Variants in GMDS observed in about 807,000 individuals in gnomAD.
GMDS encodes the protein GDP-mannose 4,6 dehydratase.
Under a neutral mutation model 49.9 loss-of-function variants are expected in GMDS, and 20 were observed. The observed-to-expected ratio is 0.40, with a 90% CI of 0.28 to 0.58. The LOEUF is 0.58. Ranked by LOEUF, GMDS falls within the 20% of genes least tolerant of loss-of-function variation. The pLI is 0.42. For synonymous variants in GMDS, 177 were observed against 178.6 expected (o/e 0.99, Z 0.07); for missense variants, 362 against 481.4 (o/e 0.75, Z 2.32).
intron 9 of GMDS, among the ~76,000 whole-genome samples, chr6:1,682,648 C>T (rs1764828147): frequency 3.0e-4 from 1 of 3,292 alleles, no homozygotes; most frequent in East Asian, 3.5e-3. Context: ...CGGCTCACTG[C>T]AAGCTCCGCC....
At chr6:1,834,174 T>A (rs1756816300) in intron 7 of GMDS, among the ~76,000 whole-genome samples, 1 of 152,230 alleles carries the variant, frequency 6.6e-6, no homozygotes, top group Non-Finnish European at 1.5e-5. Context: ...ATTTCATCAA[T>A]TATCAAGAAA....
intron 7 of GMDS, among the ~76,000 whole-genome samples, chr6:1,900,950 G>A (rs1240759004): frequency 3.3e-5 from 5 of 152,162 alleles, no homozygotes; most frequent in East Asian, 1.9e-4. Context: ...TCACTACCAC[G>A]CAAGGGAGAA....
intron 6 of GMDS, among the ~76,000 whole-genome samples, chr6:1,952,803 A>G (rs868461474): frequency 1.3e-5 from 2 of 152,162 alleles, no homozygotes; most frequent in Admixed American, 6.5e-5. Context: ...TAAATGTCCC[A>G]TTCTTAAACA....
intron 1 of GMDS, among the ~76,000 whole-genome samples, chr6:2,139,427 T>C (rs1385204682): frequency 1.3e-5 from 2 of 152,192 alleles, no homozygotes; most frequent in East Asian, 3.8e-4. Context: ...CAGAAATATA[T>C]CGTGCACTGC....
At chr6:1,812,302 C>T (rs1469685751) in intron 7 of GMDS, among the ~76,000 whole-genome samples, 1 of 152,068 alleles carries the variant, frequency 6.6e-6, no homozygotes, top group South Asian at 2.1e-4. Flanking sequence ...GGCCCAGGAC[C>T]CTGGTGACTG....
intron 4 of GMDS, among the ~76,000 whole-genome samples, chr6:2,106,178 T>C (rs1386802085): frequency 1.3e-5 from 2 of 152,248 alleles, no homozygotes; most frequent in Non-Finnish European, 2.9e-5. Flanking sequence ...TTTCAAAAAA[T>C]AGAAATCTGA....
At chr6:1,955,679 T>C (rs1388402129) in intron 6 of GMDS, among the ~76,000 whole-genome samples, 1 of 151,670 alleles carries the variant, frequency 6.6e-6, no homozygotes, top group Non-Finnish European at 1.5e-5. Flanking sequence ...GATGCTAGCA[T>C]AGGTGATTCT....
intron 7 of GMDS, among the ~76,000 whole-genome samples, chr6:1,832,305 C>T (rs1298152426): frequency 6.6e-6 from 1 of 151,818 alleles, no homozygotes; most frequent in Non-Finnish European, 1.5e-5. Flanking sequence ...TCTGGAAGCT[C>T]CTCGAACCCA....
chr6:1,938,452 G>A (rs1473165979), intron 6 of GMDS, among the ~76,000 whole-genome samples: 4 of 152,206 alleles, frequency 2.6e-5, no homozygotes, highest in African/African-American at 9.6e-5. Flanking sequence ...GTTCAAGGTT[G>A]AAAATTATCT....
chr6:2,235,753 A>T (rs1307025084), intron 1 of GMDS, among the ~76,000 whole-genome samples: 1 of 151,830 alleles, frequency 6.6e-6, no homozygotes, highest in African/African-American at 2.4e-5. Flanking sequence ...TTGAGGCTCC[A>T]GTGATCTGTG....
chr6:2,058,011 C>A (rs1156845561), intron 4 of GMDS, among the ~76,000 whole-genome samples: 1 of 152,012 alleles, frequency 6.6e-6, no homozygotes, highest in Non-Finnish European at 1.5e-5. Context: ...AGCCTCAACC[C>A]ACTCAATCTT....
intron 7 of GMDS, among the ~76,000 whole-genome samples, chr6:1,842,170 T>C (rs912675096): frequency 1.3e-5 from 2 of 152,150 alleles, no homozygotes; most frequent in Admixed American, 6.5e-5. Context: ...TCTTCCTAAC[T>C]CTATTTATTC....
chr6:2,103,144 C>T (rs1255492336), intron 4 of GMDS, among the ~76,000 whole-genome samples: 1 of 152,162 alleles, frequency 6.6e-6, no homozygotes, highest in African/African-American at 2.4e-5. Flanking sequence ...ACACAGCGTA[C>T]GATGCTGGAA....
intron 7 of GMDS, among the ~76,000 whole-genome samples, chr6:1,821,260 C>G (rs569114867): frequency 6.6e-6 from 1 of 152,046 alleles, no homozygotes; most frequent in African/African-American, 2.4e-5. Context: ...GTGGGTCTCC[C>G]GGAGGTTCTG....
chr6:1,811,994 G>T (rs2113682362), intron 7 of GMDS, among the ~76,000 whole-genome samples: 1 of 152,294 alleles, frequency 6.6e-6, no homozygotes, highest in South Asian at 2.1e-4. Flanking sequence ...ATATACAAAT[G>T]ATACCTTTCT....
At chr6:2,120,040 G>C (rs1001753844) in intron 2 of GMDS, among the ~76,000 whole-genome samples, 18 of 152,220 alleles carry the variant, frequency 1.2e-4, no homozygotes, top group Non-Finnish European at 7.4e-5. Context: ...ATTTCTCTTG[G>C]AGGCAAGGAC....
chr6:1,908,463 T>C (rs1262718056), intron 7 of GMDS, among the ~76,000 whole-genome samples: 1 of 152,248 alleles, frequency 6.6e-6, no homozygotes, highest in Non-Finnish European at 1.5e-5. Flanking sequence ...ACCAATTTTG[T>C]TCTGAAAGTC....
In GMDS at chr6:1,930,249, T is replaced by G; in HGVS notation, c.644-19A>C. On this transcript the variant is annotated intron_variant, in intron 6 of 10. Coordinates refer to ENST00000380815, the MANE Select transcript of GMDS (RefSeq NM_001500.4). ...TTAGCTCCTAAAAAGAGGCAAAAGA[T>G]GTAGTATCAGTCAAGTGCACTTGAC... 1 of 1,609,806 alleles carries G rather than the reference T, an allele frequency of 6.2e-7. No individual in the cohort carries two copies. The highest frequency in any genetic ancestry group is 8.5e-7 in the Non-Finnish European group (1 of 1,177,380).
At chr6:1,968,297 T>G (rs1764379801) in intron 4 of GMDS, among the ~76,000 whole-genome samples, 1 of 152,250 alleles carries the variant, frequency 6.6e-6, no homozygotes, top group African/African-American at 2.4e-5. Context: ...GTCTGATTAG[T>G]GGAGTGGTTG....
Sources: allele counts gnomAD v4.1 joint callset (sites outside exome capture counted in the v4.1 genomes callset), GRCh38; gene constraint gnomAD v4.1.1; transcripts MANE v1.5; gene names NCBI Gene and HGNC (gene_info 2026-07-23, HGNC 2026-07-21).